CERS3: variants seen among roughly 807,000 people sequenced by gnomAD.
The protein encoded by CERS3 is LAG1 homolog, ceramide synthase 3.
Under a neutral mutation model 50.3 loss-of-function variants are expected in CERS3, and 33 were observed. The ratio of observed to expected loss-of-function variants is 0.66; its 90% CI spans 0.50 to 0.88. CERS3 has a LOEUF of 0.88. CERS3 is among the 40% of genes least tolerant of loss of function. CERS3 has a pLI of 0.00. For missense variants in CERS3, 470 were observed against 460.3 expected, an observed-to-expected ratio of 1.02 and a Z score of -0.19; for synonymous variants, 176 against 155.2, an observed-to-expected ratio of 1.13 and a Z score of -0.99.
intron 11 of CERS3, among the ~76,000 whole-genome samples, chr15:100,409,837 G>A (rs1301490173): frequency 6.6e-6 from 1 of 152,162 alleles, no homozygotes; most frequent in African/African-American, 2.4e-5. Context: ...GAAAACACAC[G>A]CTTCAAGAAG....
intron 2 of CERS3, among the ~76,000 whole-genome samples, chr15:100,517,642 T>A (rs1174122932): frequency 3.3e-5 from 5 of 152,210 alleles, no homozygotes; most frequent in African/African-American, 4.8e-5. Flanking sequence ...GGTACACTGA[T>A]GAAGCAAGCT....
At chr15:100,526,282 G>C (rs1227682390) in intron 1 of CERS3, among the ~76,000 whole-genome samples, 1 of 152,152 alleles carries the variant, frequency 6.6e-6, no homozygotes, top group Admixed American at 6.5e-5. Flanking sequence ...TGTTGGGGAG[G>C]GCTTGGAAAG....
chr15:100,516,639 A>C (rs1359017836), intron 2 of CERS3, among the ~76,000 whole-genome samples: 1 of 152,192 alleles, frequency 6.6e-6, no homozygotes, highest in Non-Finnish European at 1.5e-5. Context: ...CCAGAGAGAG[A>C]AATGGGAGAA....
At chr15:100,512,395 C>T (rs2036369654) in intron 2 of CERS3, among the ~76,000 whole-genome samples, 1 of 152,202 alleles carries the variant, frequency 6.6e-6, no homozygotes, top group South Asian at 2.1e-4. Context: ...CAGATTTCAG[C>T]ACCTCCCTTG....
intron 1 of CERS3, among the ~76,000 whole-genome samples, chr15:100,525,048 G>A (rs1371125874): frequency 6.6e-6 from 1 of 152,112 alleles, no homozygotes; most frequent in African/African-American, 2.4e-5. Flanking sequence ...CTAAATATAT[G>A]CCTTACCTGT....
chr15:100,402,764 G>T lies in CERS3; in HGVS notation c.1101C>A (p.Asn367Lys). 2 of 1,614,142 alleles carry T rather than the reference G, an allele frequency of 1.2e-6. No homozygotes were observed. The highest frequency in any genetic ancestry group is 1.7e-6 in the Non-Finnish European group (2 of 1,180,014). Reference protein sequence around the residue: ...TKGKEMDCLKNGLRAERHLIP... With the variant: ...TKGKEMDCLKKGLRAERHLIP... The stretch of plus-strand genomic sequence containing the variant: ...TGAGGTGCCTCTCAGCCCTGAGGCC[G>T]TTCTTTAAACAATCCATCTCTTTGC... The change falls in exon 12 of 12, where the codon AAC becomes AAA. Residue 367 changes from asparagine to lysine, a missense_variant. Coordinates refer to ENST00000679737, the MANE Select transcript of CERS3 (RefSeq NM_001378789.1).
At chr15:100,439,557 C>T (rs114515785) in intron 11 of CERS3, among the ~76,000 whole-genome samples, 39 of 152,328 alleles carry the variant, frequency 2.6e-4, no homozygotes, top group African/African-American at 8.2e-4. Context: ...AAGAATCTGT[C>T]GCCTTAGTAA....
intron 2 of CERS3, among the ~76,000 whole-genome samples, chr15:100,517,397 A>C (rs924297359): frequency 2.6e-5 from 4 of 152,134 alleles, no homozygotes; most frequent in Non-Finnish European, 4.4e-5. Context: ...GGTCACTCTG[A>C]CCAAGTGTTG....
chr15:100,440,680 T>C (rs1227320286), intron 11 of CERS3, among the ~76,000 whole-genome samples: 1 of 152,248 alleles, frequency 6.6e-6, no homozygotes, highest in African/African-American at 2.4e-5. Flanking sequence ...CTCTTTGCTC[T>C]GTGAGAAAGA....
chr15:100,517,736 G>C (rs925496000), intron 2 of CERS3, among the ~76,000 whole-genome samples: 1 of 152,168 alleles, frequency 6.6e-6, no homozygotes, highest in Non-Finnish European at 1.5e-5. Context: ...GCCCCCGCAA[G>C]ATAAAGCACC....
intron 2 of CERS3, among the ~76,000 whole-genome samples, chr15:100,512,320 G>A (rs978102650): frequency 6.6e-6 from 1 of 152,212 alleles, no homozygotes; most frequent in South Asian, 2.1e-4. Flanking sequence ...ATGGTGGGAG[G>A]AAAGGGTTTT....
chr15:100,529,502 G>A (rs564548655), upstream of CERS3, among the ~76,000 whole-genome samples: 15 of 152,208 alleles, frequency 9.9e-5, no homozygotes, highest in African/African-American at 2.2e-4. Flanking sequence ...GATATAATTC[G>A]CATTTTTATT....
In CERS3 at chr15:100,496,817, G is replaced by C. The variant is rs868127175; in HGVS notation, c.173+4860C>G. On this transcript the variant is annotated intron_variant, in intron 3 of 11. Transcript: ENST00000679737. The stretch of plus-strand genomic sequence containing the variant: ...GTTGAATTAAATGCTGACAATTTTA[G>C]TTATGAATGATCATTTAGTTCTTAA... Among the ~76,000 whole-genome samples the C allele has an allele frequency of 6.6e-5, 10 of 152,260 alleles. No homozygotes were observed. The East Asian group carries it at 1.9e-3, about 29-fold the overall frequency.
chr15:100,483,787 A>ATTATTATTTTTTT (rs760594142), intron 5 of CERS3, among the ~76,000 whole-genome samples: 1,804 of 99,808 alleles, frequency 0.018, 67 homozygotes, highest in Middle Eastern at 0.072. Flanking sequence ...TATTATTATT[A>ATTATTATTTTTTT]TTTTTTTTTT....
At position 100,400,757 on chromosome 15, in the gene CERS3, C is replaced by A. The variant is rs79265440; in HGVS notation, c.*1956G>T. 6.6e-6 allele frequency: 1 copy of A among 151,920 alleles called. No individual in the cohort carries two copies. Among genetic ancestry groups the A allele is most frequent in the Non-Finnish European group, 1.5e-5 (1 of 67,978 alleles). 9.4% of individuals were successfully genotyped at this position (151,920 alleles called of 1,614,324 possible). ...CCAAATAAGCAAAGAAGAAAGCATA[C>A]CGTTAACTGAAAACATAAAAAATTA... On this transcript the variant is annotated 3_prime_UTR_variant, in exon 12 of 12. Coordinates refer to ENST00000679737, the MANE Select transcript of CERS3 (RefSeq NM_001378789.1).
chr15:100,524,902 AC>A (rs1317986852), intron 1 of CERS3, among the ~76,000 whole-genome samples: 4 of 152,142 alleles, frequency 2.6e-5, no homozygotes, highest in Non-Finnish European at 5.9e-5. Flanking sequence ...AAACAAATAG[AC>A]CTTATCCCAG....
At chr15:100,518,617 T>G (rs190907356) in intron 2 of CERS3, among the ~76,000 whole-genome samples, 3 of 152,354 alleles carry the variant, frequency 2.0e-5, no homozygotes, top group Admixed American at 6.5e-5. Context: ...TTTACACAAT[T>G]TTCACGTCAT....
At chr15:100,418,632 G>A (rs1239662325) in intron 11 of CERS3, among the ~76,000 whole-genome samples, 1 of 138,574 alleles carries the variant, frequency 7.2e-6, no homozygotes, top group Non-Finnish European at 1.6e-5. Context: ...ATAACTGTCA[G>A]ATTCACCAAA....
At chr15:100,518,293 GAC>G (rs1242596984) in intron 2 of CERS3, among the ~76,000 whole-genome samples, 2 of 152,258 alleles carry the variant, frequency 1.3e-5, no homozygotes, top group African/African-American at 4.8e-5. Context: ...GACAGAGAGA[GAC>G]ACACACAGAG....
Sources: allele counts gnomAD v4.1 joint callset (sites outside exome capture counted in the v4.1 genomes callset), GRCh38; gene constraint gnomAD v4.1.1; transcripts MANE v1.5; gene names NCBI Gene and HGNC (gene_info 2026-07-23, HGNC 2026-07-21).